The following FAM174B variants were observed in gnomAD, a reference collection of about 807,000 sequenced individuals.
The protein encoded by FAM174B is membrane protein FAM174B.
FAM174B carries 12 observed loss-of-function variants against 10.9 expected under a neutral mutation model. The observed-to-expected ratio is 1.10, with a 90% CI of 0.71 to 1.79. The LOEUF (loss-of-function observed/expected upper bound fraction) is 1.79. Among genes scored for constraint, FAM174B ranks in the 40% most tolerant of loss-of-function variants. FAM174B has a pLI of 0.00. For missense variants in FAM174B, 266 were observed against 233.3 expected (o/e 1.14, Z -0.91); for synonymous variants, 132 against 115.8 (o/e 1.14, Z -0.90).
chr15:92,638,145 G>A (rs1172283743), intron 1 of FAM174B, among the ~76,000 whole-genome samples: 1 of 152,186 alleles, frequency 6.6e-6, no homozygotes, highest in Admixed American at 6.5e-5. Context: ...TTAACCAGGA[G>A]GCCTCAACCT....
chr15:92,629,392 T>C (rs1465295543), intron 2 of FAM174B, among the ~76,000 whole-genome samples: 1 of 152,186 alleles, frequency 6.6e-6, no homozygotes, highest in African/African-American at 2.4e-5. Context: ...AGAAAGCCTT[T>C]AAGAAACACA....
intron 1 of FAM174B, among the ~76,000 whole-genome samples, chr15:92,635,618 T>G (rs1223868785): frequency 2.7e-5 from 4 of 150,572 alleles, no homozygotes; most frequent in Non-Finnish European, 5.9e-5. Flanking sequence ...TCTCGCTCTG[T>G]AGCCCAGGCT....
rs1384278580 is a variant in FAM174B at position 92,630,242 on chromosome 15, C to A, written c.448G>T (p.Asp150Tyr). 6.4e-7 allele frequency: 1 copy of A among 1,573,444 alleles called. No homozygotes were observed. Among genetic ancestry groups the A allele is most frequent in the Non-Finnish European group, 8.7e-7 (1 of 1,143,438 alleles). The change falls in exon 2 of 3, where the codon GAC becomes TAC. Residue 150 changes from aspartate to tyrosine, a missense_variant. Coordinates refer to ENST00000327355, the MANE Select transcript of FAM174B (RefSeq NM_207446.3). ...TATTTGATGTCGAATACTGTGGAGT[C>A]CTCATCTTCATCATCCTCTTCATTT... Reference protein sequence around the residue: ...PLNEEDDEDEDSTVFDIKYR With the variant: ...PLNEEDDEDEYSTVFDIKYR
rs1301911049 is a variant in FAM174B at position 92,630,943 on chromosome 15, T to C, written c.345-598A>G. On this transcript the variant is annotated intron_variant, in intron 1 of 2. Coordinates refer to ENST00000327355, the MANE Select transcript of FAM174B (RefSeq NM_207446.3). Reference sequence around the variant, plus strand: ...ATTACGTATTACATATTACATATTATATATTATATATTACGTATTACATAT... The same window carrying C: ...ATTACGTATTACATATTACATATTACATATTATATATTACGTATTACATAT... Among the ~76,000 whole-genome samples the C allele has an allele frequency of 6.3e-3, 91 of 14,396 alleles. 3 individuals carry two copies. The highest frequency in any genetic ancestry group is 8.0e-3 in the African/African-American group (43 of 5,374). The allele number at this position is 14,396 out of a possible 152,430, so 9.4% of individuals were successfully genotyped here.
intron 2 of FAM174B, among the ~76,000 whole-genome samples, chr15:92,620,582 C>T (rs2050712857): frequency 6.6e-6 from 1 of 152,024 alleles, no homozygotes; most frequent in African/African-American, 2.4e-5. Flanking sequence ...TGGGAGGCCA[C>T]GGCGGGTGGA....
At position 92,655,623 on chromosome 15, in the gene FAM174B, G is replaced by A; in HGVS notation, c.37C>T (p.Leu13=). Residue 13 remains leucine (L), a synonymous_variant, in exon 1 of 3, where the codon CTG becomes TTG. Coordinates refer to ENST00000327355, the MANE Select transcript of FAM174B (RefSeq NM_207446.3). ...GCGGCCAGGAGCGCGAGCAGCAGCA[G>A]CGGCAGGAGCGGGGCGGGCAGCGGC... ...AVPLPAPLLP[L]LLLALLAAPA... is the part of the protein sequence containing the mutation. 3 of 1,261,660 alleles carry A rather than the reference G, an allele frequency of 2.4e-6. No homozygotes were observed. The highest frequency in any genetic ancestry group is 3.3e-5 in the East Asian group (1 of 30,764). 78.2% of individuals were successfully genotyped at this position (1,261,660 alleles called of 1,614,324 possible).
chr15:92,631,166 AATAAT>A (rs1430101191), intron 1 of FAM174B, among the ~76,000 whole-genome samples: 4 of 17,848 alleles, frequency 2.2e-4, no homozygotes, highest in Non-Finnish European at 5.0e-4. Flanking sequence ...TATATTATAT[AATAAT>A]TTATATATTA....
intron 2 of FAM174B, among the ~76,000 whole-genome samples, chr15:92,628,884 T>C (rs1326116959): frequency 6.6e-6 from 1 of 152,182 alleles, no homozygotes; most frequent in Non-Finnish European, 1.5e-5. Context: ...AAAACATTTA[T>C]ACATAAATTT....
chr15:92,639,129 C>A (rs1397993750), intron 1 of FAM174B: 1 of 152,322 alleles, frequency 6.6e-6, no homozygotes, highest in Non-Finnish European at 1.5e-5. Context: ...ATGAGCCCTT[C>A]ACACTCCAAC....
intron 1 of FAM174B, among the ~76,000 whole-genome samples, chr15:92,646,531 A>G (rs1391509043): frequency 6.6e-6 from 1 of 152,184 alleles, no homozygotes; most frequent in Non-Finnish European, 1.5e-5. Flanking sequence ...TTGGAATCTC[A>G]GCAGTGCCAA....
rs2050805690 is a variant in FAM174B, at chr15:92,631,295, TATATATA to T, written c.345-957_345-951del. ...ATATTATATATAATATATTATATAT[TATATATA>T]ATATATTATATATAATATTATATAT... is the stretch of plus-strand genomic sequence containing the variant. On this transcript the variant is annotated intron_variant, in intron 1 of 2. Transcript: ENST00000327355. Among the ~76,000 whole-genome samples, 10 of 4,354 alleles carry T rather than the reference TATATATA, an allele frequency of 2.3e-3. 2 individuals carry two copies. Among genetic ancestry groups the T allele is most frequent in the Non-Finnish European group, 3.8e-3 (10 of 2,622 alleles). The allele number at this position is 4,354 out of a possible 152,430, so 2.9% of individuals were successfully genotyped here.
At chr15:92,627,915 T>C (rs932373811) in intron 2 of FAM174B, among the ~76,000 whole-genome samples, 2 of 152,200 alleles carry the variant, frequency 1.3e-5, no homozygotes, top group African/African-American at 4.8e-5. Context: ...ATCACTAACT[T>C]TCCTAGGTAC....
intron 1 of FAM174B, among the ~76,000 whole-genome samples, chr15:92,648,645 G>A (rs1165510760): frequency 6.6e-6 from 1 of 152,170 alleles, no homozygotes; most frequent in Non-Finnish European, 1.5e-5. Context: ...TGTACAATGA[G>A]TGTAGGGAGG....
chr15:92,648,612 C>A (rs777611828), intron 1 of FAM174B, among the ~76,000 whole-genome samples: 1 of 152,180 alleles, frequency 6.6e-6, no homozygotes, highest in Non-Finnish European at 1.5e-5. Context: ...AGCCTCCCCA[C>A]TCTGGGCCTC....
At chr15:92,619,781 T>A in intron 2 of FAM174B, 1 of 423,728 alleles carries the variant, frequency 2.4e-6, no homozygotes, top group Non-Finnish European at 4.2e-6. Flanking sequence ...ACTTCTTCTG[T>A]GACAGTCCAG....
intron 1 of FAM174B, among the ~76,000 whole-genome samples, chr15:92,631,492 A>ATG (rs1377821801): frequency 9.0e-5 from 9 of 100,168 alleles, no homozygotes; most frequent in African/African-American, 3.5e-4. Context: ...TTATATATAT[A>ATG]TATAATTCTT....
In FAM174B at chr15:92,643,135, TG is replaced by T. The variant is rs1270348651; in HGVS notation, c.344+12180del. ...AAACCATTGAGTTGGACACTTTATT[TG>T]TTTTTTTTTTTTAAGAGAGGTGGGG... is the stretch of plus-strand genomic sequence containing the variant. On this transcript the variant is annotated intron_variant, in intron 1 of 2. Coordinates refer to ENST00000327355, the MANE Select transcript of FAM174B (RefSeq NM_207446.3). Among the ~76,000 whole-genome samples, 74 of 15,410 alleles carry T rather than the reference TG, an allele frequency of 4.8e-3. No individual in the cohort carries two copies. The Admixed American group carries it at 0.07, about 15-fold the overall frequency. The allele number at this position is 15,410 out of a possible 152,430, so 10.1% of individuals were successfully genotyped here. A position where few individuals can be genotyped will look rare whatever the true frequency, so the allele number is the denominator to read the frequency against.
At chr15:92,636,692 C>T (rs1337632164) in intron 1 of FAM174B, among the ~76,000 whole-genome samples, 1 of 152,152 alleles carries the variant, frequency 6.6e-6, no homozygotes, top group Admixed American at 6.5e-5. Flanking sequence ...GCATAGTGAG[C>T]ACATATGACC....
In FAM174B at chr15:92,631,406, T is replaced by A. The variant is rs1365155426; in HGVS notation, c.345-1061A>T. ...TTATATATTATATATTATATTATAT[T>A]ATATATAATATATAATATATAATAT... On this transcript the variant is annotated intron_variant, in intron 1 of 2. Transcript: ENST00000327355. 3.0e-4 allele frequency among the ~76,000 whole-genome samples: 12 copies of A among 40,016 alleles called. 1 individual carries two copies. The highest frequency in any genetic ancestry group is 4.2e-4 in the Admixed American group (1 of 2,362). 26.3% of individuals were successfully genotyped at this position (40,016 alleles called of 152,430 possible). A position where few individuals can be genotyped will look rare whatever the true frequency, so the allele number is the denominator to read the frequency against.
Sources: gnomAD v4.1 joint callset for allele counts (sites outside exome capture counted in the v4.1 genomes callset) on GRCh38, gnomAD v4.1.1 for gene constraint, MANE v1.5 for transcripts, NCBI Gene and HGNC (gene_info 2026-07-23, HGNC 2026-07-21) for gene names.